ARHGEF38: variants seen among roughly 807,000 people sequenced by gnomAD.
ARHGEF38 encodes Rho guanine nucleotide exchange factor (GEF) 38.
In ARHGEF38, 79 loss-of-function variants were observed where a neutral mutation model predicts 79.9. The observed-to-expected ratio is 0.99, with a 90% confidence interval of 0.82 to 1.19. ARHGEF38 has a LOEUF of 1.19. Ranked by LOEUF, ARHGEF38 falls within the 50% of genes most tolerant of loss-of-function variation. The pLI, the probability that ARHGEF38 is intolerant of heterozygous loss-of-function variation, is 0.00. For synonymous variants in ARHGEF38, 366 were observed against 328.3 expected, an observed-to-expected ratio of 1.11 and a Z score of -1.24; for missense variants, 962 against 907.2, an observed-to-expected ratio of 1.06 and a Z score of -0.78.
intron 1 of ARHGEF38, among the ~76,000 whole-genome samples, chr4:105,568,418 G>A (rs1726047999): frequency 6.6e-6 from 1 of 151,712 alleles, no homozygotes; most frequent in Non-Finnish European, 1.5e-5. Context: ...CAACCATTGT[G>A]GAAGTCAGTG....
intron 2 of ARHGEF38, among the ~76,000 whole-genome samples, chr4:105,593,155 G>T (rs1727418652): frequency 1.3e-5 from 2 of 151,996 alleles, no homozygotes; most frequent in African/African-American, 4.8e-5. Context: ...CTAGGTATAA[G>T]AACATTTGTG....
intron 5 of ARHGEF38, 30 bp downstream of exon 5, chr4:105,636,450 A>G: frequency 2.6e-6 from 1 of 391,026 alleles, no homozygotes; most frequent in Non-Finnish European, 3.9e-6. Context: ...ATATAAATCA[A>G]ATATAAAAAT....
intron 5 of ARHGEF38, among the ~76,000 whole-genome samples, chr4:105,640,775 C>A (rs976411933): frequency 6.6e-6 from 1 of 152,160 alleles, no homozygotes; most frequent in Admixed American, 6.6e-5. Context: ...GGAAACCATT[C>A]ACCTTCAGAA....
chr4:105,623,935 C>G (rs1405666798), intron 3 of ARHGEF38, among the ~76,000 whole-genome samples: 1 of 152,180 alleles, frequency 6.6e-6, no homozygotes, highest in Non-Finnish European at 1.5e-5. Context: ...GCCACCTTAG[C>G]TTCAGAACAG....
In ARHGEF38 at chr4:105,578,725, C is replaced by T. The variant is rs574368631; in HGVS notation, c.197-10523C>T. Among the ~76,000 whole-genome samples the T allele has an allele frequency of 1.3e-3, 196 of 152,230 alleles. 1 individual carries two copies. The highest frequency in any genetic ancestry group is 2.2e-3 in the Non-Finnish European group (147 of 67,998). On this transcript the variant is annotated intron_variant, in intron 1 of 13. Transcript: ENST00000420470. ...CTGTGTGATCTAAGAATAACCATTC[C>T]TGTTCGCTTTGGTTTCCATTTGCAT...
In ARHGEF38 at chr4:105,680,135, C is replaced by T. The variant is rs1419494338; in HGVS notation, c.*2198C>T. Reference sequence around the variant, plus strand: ...TTTTATAAAGGAGGAAATTGAGGACCTCACATGGAGGGACTGGAATTTAAA... The same window carrying T: ...TTTTATAAAGGAGGAAATTGAGGACTTCACATGGAGGGACTGGAATTTAAA... On this transcript the variant is annotated 3_prime_UTR_variant, in exon 14 of 14. Transcript: ENST00000420470. 1 of 692,566 alleles carries T rather than the reference C, an allele frequency of 1.4e-6. No individual in the cohort carries two copies. The highest frequency in any genetic ancestry group is 2.7e-6 in the Non-Finnish European group (1 of 366,526). 42.9% of individuals were successfully genotyped at this position (692,566 alleles called of 1,614,324 possible). A position where few individuals can be genotyped will look rare whatever the true frequency, so the allele number is the denominator to read the frequency against.
intron 2 of ARHGEF38, 32 bp downstream of exon 2, chr4:105,589,467 C>T (rs767468964): frequency 6.4e-6 from 10 of 1,566,382 alleles, no homozygotes; most frequent in Admixed American, 5.5e-5. Context: ...TTTTTTCTCT[C>T]CCATATCATA....
chr4:105,643,832 C>T (rs1374127365), intron 5 of ARHGEF38, among the ~76,000 whole-genome samples: 4 of 146,386 alleles, frequency 2.7e-5, no homozygotes, highest in Admixed American at 2.0e-4. Flanking sequence ...TCTCATTTAT[C>T]AAATGAATTG....
intron 1 of ARHGEF38, chr4:105,561,474 A>AGAATAGAATAGAATGGAATG (rs1725590697): frequency 3.9e-5 from 2 of 50,808 alleles, no homozygotes; most frequent in African/African-American, 1.7e-4. Context: ...AGAATAGAAT[A>AGAATAGAATAGAATGGAATG]GAATAGAATA....
intron 10 of ARHGEF38, among the ~76,000 whole-genome samples, chr4:105,661,600 C>T (rs1371666668): frequency 6.6e-6 from 1 of 151,332 alleles, no homozygotes; most frequent in East Asian, 1.9e-4. Context: ...TGTTTTAAAA[C>T]TCATTAAATT....
In ARHGEF38 at chr4:105,604,547, T is replaced by G. The variant is rs550583624; in HGVS notation, c.385-8837T>G. 7.2e-5 allele frequency among the ~76,000 whole-genome samples: 11 copies of G among 152,270 alleles called. No individual in the cohort carries two copies. In the South Asian group the frequency reaches 2.3e-3, roughly 32 times the overall value. On this transcript the variant is annotated intron_variant, in intron 2 of 13. Transcript: ENST00000420470. ...TATTTTCAGTGAGTTCTAGTTTTTATTGTATTATTGAAGATTAGAACTTTG... is the reference window on the plus strand; with the variant it reads ...TATTTTCAGTGAGTTCTAGTTTTTAGTGTATTATTGAAGATTAGAACTTTG...
At chr4:105,616,330 A>T (rs1318058652) in intron 3 of ARHGEF38, among the ~76,000 whole-genome samples, 1 of 152,184 alleles carries the variant, frequency 6.6e-6, no homozygotes, top group African/African-American at 2.4e-5. Context: ...TTTATGAAGA[A>T]AAGAGGTTTA....
At chr4:105,603,480 G>A (rs1727910260) in intron 2 of ARHGEF38, among the ~76,000 whole-genome samples, 1 of 152,042 alleles carries the variant, frequency 6.6e-6, no homozygotes, top group Non-Finnish European at 1.5e-5. Flanking sequence ...ATAATAATGT[G>A]GCACTCTTAC....
chr4:105,666,189 G>A lies in ARHGEF38; in HGVS notation c.1558G>A (p.Val520Ile). ...TTTCTACCTATAGATGCCACTGTTGGTTTCAAGCATTTCTGAGATTCAGAA... is the reference window on the plus strand; with the variant it reads ...TTTCTACCTATAGATGCCACTGTTGATTTCAAGCATTTCTGAGATTCAGAA... ...YSTLVPMPLL[V>I]SSISEIQNQV... Residue 520 changes from valine to isoleucine, a missense_variant, in exon 11 of 14, where the codon GTT (valine) becomes ATT (isoleucine). Val to Ile is a conservative substitution (Grantham distance 29). Coordinates refer to ENST00000420470, the MANE Select transcript of ARHGEF38 (RefSeq NM_001242729.2). 6.6e-7 allele frequency: 1 copy of A among 1,524,452 alleles called. No homozygotes were observed. The highest frequency in any genetic ancestry group is 8.7e-7 in the Non-Finnish European group (1 of 1,143,396). 94.4% of individuals were successfully genotyped at this position (1,524,452 alleles called of 1,614,324 possible). A position where few individuals can be genotyped will look rare whatever the true frequency, so the allele number is the denominator to read the frequency against.
At chr4:105,645,111 C>A in intron 5 of ARHGEF38, 77 bp from the exon 6 acceptor site, 1 of 1,055,956 alleles carries the variant, frequency 9.5e-7, no homozygotes, top group Non-Finnish European at 1.2e-6. Flanking sequence ...TAGAAGTAAT[C>A]ATAAAAACAC....
chr4:105,679,441 G>A lies in ARHGEF38; in HGVS notation c.*1504G>A. ...TCTTTCCAAGCACAGCTGACATCCT[G>A]TATTTCCTCTAGGCTTTCCAGAGTC... On this transcript the variant is annotated 3_prime_UTR_variant, in exon 14 of 14. Coordinates refer to ENST00000420470, the MANE Select transcript of ARHGEF38 (RefSeq NM_001242729.2). 6.3e-7 allele frequency: 1 copy of A among 1,587,698 alleles called. No individual in the cohort carries two copies. Among genetic ancestry groups the A allele is most frequent in the Non-Finnish European group, 8.6e-7 (1 of 1,158,644 alleles).
chr4:105,628,018 C>T (rs1729022173), intron 3 of ARHGEF38, among the ~76,000 whole-genome samples: 1 of 138,706 alleles, frequency 7.2e-6, no homozygotes, highest in Admixed American at 6.8e-5. Context: ...CAGAATTTTA[C>T]TTGGAAAAGA....
chr4:105,583,034 G>T (rs1726871629), intron 1 of ARHGEF38, among the ~76,000 whole-genome samples: 1 of 151,940 alleles, frequency 6.6e-6, no homozygotes, highest in Admixed American at 6.6e-5. Flanking sequence ...ACTATAAATG[G>T]CATATAGTTG....
At chr4:105,666,439 G>A (rs1056629797) in intron 11 of ARHGEF38, 119 bp downstream of exon 11, 2 of 1,142,400 alleles carry the variant, frequency 1.8e-6, no homozygotes, top group East Asian at 2.7e-5. Flanking sequence ...ATTTACATAT[G>A]TGTAGAATTT....
Sources: gnomAD v4.1 joint callset for allele counts (sites outside exome capture counted in the v4.1 genomes callset) on GRCh38, gnomAD v4.1.1 for gene constraint, MANE v1.5 for transcripts, NCBI Gene and HGNC (gene_info 2026-07-23, HGNC 2026-07-21) for gene names.